The following ESRRG variants were observed in gnomAD, a reference collection of about 807,000 sequenced individuals.
ESRRG encodes estrogen related receptor gamma.
ESRRG carries 13 observed loss-of-function variants against 44.0 expected under a neutral mutation model. The observed-to-expected ratio is 0.30, with a 90% CI of 0.19 to 0.47. The LOEUF is 0.47. ESRRG is among the 20% of genes least tolerant of loss of function. The probability of loss-of-function intolerance (pLI) is 1.00; values close to 1 mark genes in which losing one functional copy is unlikely to be tolerated. For missense variants in ESRRG, 395 were observed against 580.6 expected, an observed-to-expected ratio of 0.68 and a Z score of 3.29; for synonymous variants, 215 against 214.6, an observed-to-expected ratio of 1.00 and a Z score of -0.02.
chr1:217,014,284 A>G (rs952248048), intron 1 of ESRRG, among the ~76,000 whole-genome samples: 2 of 152,098 alleles, frequency 1.3e-5, no homozygotes, highest in Non-Finnish European at 2.9e-5. Flanking sequence ...CTGTCATTGC[A>G]GAGACTAAGG....
At chr1:216,636,554 T>C (rs2065338230) in intron 3 of ESRRG, among the ~76,000 whole-genome samples, 1 of 152,226 alleles carries the variant, frequency 6.6e-6, no homozygotes, top group Non-Finnish European at 1.5e-5. Flanking sequence ...CAAATCACTC[T>C]GGTCTCCCAG....
At chr1:216,820,849 A>C (rs527363377) in intron 2 of ESRRG, among the ~76,000 whole-genome samples, 17 of 152,074 alleles carry the variant, frequency 1.1e-4, no homozygotes, top group Admixed American at 3.3e-4. Flanking sequence ...CCAAACACCA[A>C]CTCCATTCAT....
chr1:217,014,353 A>G (rs939513415), intron 1 of ESRRG, among the ~76,000 whole-genome samples: 3 of 152,138 alleles, frequency 2.0e-5, no homozygotes, highest in Admixed American at 6.6e-5. Context: ...TAAAAATAGT[A>G]TAAGTGCCCC....
chr1:216,579,020 A>T (rs1179977725), intron 3 of ESRRG, among the ~76,000 whole-genome samples: 1 of 152,186 alleles, frequency 6.6e-6, no homozygotes, highest in African/African-American at 2.4e-5. Flanking sequence ...TATATTCATT[A>T]AAATGAACAC....
At chr1:216,902,141 T>C (rs1283349825) in intron 2 of ESRRG, among the ~76,000 whole-genome samples, 1 of 152,198 alleles carries the variant, frequency 6.6e-6, no homozygotes, top group African/African-American at 2.4e-5. Flanking sequence ...TTCTGAATCA[T>C]CTCTTTATTC....
At chr1:216,569,386 G>A (rs2060377275) in intron 3 of ESRRG, among the ~76,000 whole-genome samples, 1 of 152,148 alleles carries the variant, frequency 6.6e-6, no homozygotes, top group Admixed American at 6.6e-5. Context: ...TGGAAAGTGG[G>A]CAAAAGTAGA....
chr1:217,081,218 A>ATTATTTTT (rs1454943896), intron 1 of ESRRG, among the ~76,000 whole-genome samples: 2 of 32,744 alleles, frequency 6.1e-5, no homozygotes, highest in East Asian at 9.3e-4. Context: ...AGATAAAAAT[A>ATTATTTTT]TTCTTTTTTT....
At chr1:217,015,136 C>A (rs1235376022) in intron 1 of ESRRG, among the ~76,000 whole-genome samples, 1 of 152,196 alleles carries the variant, frequency 6.6e-6, no homozygotes, top group Non-Finnish European at 1.5e-5. Context: ...CTATACTACT[C>A]CACATACCCA....
chr1:217,043,319 G>A (rs1241175016), intron 1 of ESRRG, among the ~76,000 whole-genome samples: 1 of 152,064 alleles, frequency 6.6e-6, no homozygotes, highest in East Asian at 1.9e-4. Flanking sequence ...GAAGGAAGCT[G>A]GGTTCAGTTA....
intron 2 of ESRRG, among the ~76,000 whole-genome samples, chr1:216,817,678 A>G (rs925250108): frequency 6.6e-6 from 1 of 152,292 alleles, no homozygotes; most frequent in Non-Finnish European, 1.5e-5. Context: ...GTATATATTC[A>G]TCATCCTGAA....
rs116349856 is a variant in ESRRG, at chr1:216,972,229, T to C, written c.-105-32556A>G. ...ATTCATAAAAAGATGGCAACTGTGA[T>C]AGGTGAGTCAAGTGGTCAGCAATCT... On this transcript the variant is annotated intron_variant, in intron 1 of 7. Coordinates refer to the ESRRG transcript ENST00000359162. Among the ~76,000 whole-genome samples, 971 of 152,304 alleles carry C rather than the reference T, an allele frequency of 6.4e-3. 7 individuals carry two copies. Among genetic ancestry groups the C allele is most frequent in the African/African-American group, 0.021 (869 of 41,566 alleles).
intron 3 of ESRRG, among the ~76,000 whole-genome samples, chr1:216,603,127 A>T (rs1183596170): frequency 6.6e-6 from 1 of 152,222 alleles, no homozygotes; most frequent in African/African-American, 2.4e-5. Context: ...TTGATATTAC[A>T]AAAAATCCCA....
chr1:217,008,338 T>C (rs2078054561), intron 1 of ESRRG, among the ~76,000 whole-genome samples: 1 of 152,216 alleles, frequency 6.6e-6, no homozygotes, highest in African/African-American at 2.4e-5. Context: ...GCTTTTTCCA[T>C]ACATTATTTC....
chr1:216,660,407 T>G (rs1228648103), intron 2 of ESRRG, among the ~76,000 whole-genome samples: 2 of 152,210 alleles, frequency 1.3e-5, no homozygotes, highest in African/African-American at 4.8e-5. Context: ...ATTCTGTGAT[T>G]AGAGATTTAA....
chr1:217,109,269 G>T (rs1485990017), intron 1 of ESRRG, among the ~76,000 whole-genome samples: 2 of 152,086 alleles, frequency 1.3e-5, no homozygotes, highest in Non-Finnish European at 1.5e-5. Context: ...GGGAATAGAA[G>T]CTTCCTTCCA....
At chr1:217,114,802 G>A (rs1421150469) in intron 1 of ESRRG, among the ~76,000 whole-genome samples, 3 of 151,058 alleles carry the variant, frequency 2.0e-5, no homozygotes, top group Middle Eastern at 3.5e-3. Context: ...GATTACAGGC[G>A]CCCGCCACCA....
chr1:216,638,295 T>C (rs1394251708), intron 3 of ESRRG, among the ~76,000 whole-genome samples: 1 of 152,194 alleles, frequency 6.6e-6, no homozygotes, highest in Non-Finnish European at 1.5e-5. Flanking sequence ...ATTTCATAGG[T>C]AAGGCTTAAA....
intron 3 of ESRRG, among the ~76,000 whole-genome samples, chr1:216,571,775 CTA>C (rs2060851833): frequency 6.6e-6 from 1 of 152,056 alleles, no homozygotes; most frequent in Admixed American, 6.6e-5. Flanking sequence ...AAAATAAAGA[CTA>C]ATTAGATAAT....
chr1:217,084,788 T>C (rs1176019440), intron 1 of ESRRG, among the ~76,000 whole-genome samples: 1 of 152,146 alleles, frequency 6.6e-6, no homozygotes, highest in African/African-American at 2.4e-5. Flanking sequence ...TATCTTTGAC[T>C]CCCCAGTATC....
Sources: allele counts gnomAD v4.1 joint callset (sites outside exome capture counted in the v4.1 genomes callset), GRCh38; gene constraint gnomAD v4.1.1; transcripts MANE v1.5; gene names NCBI Gene and HGNC (gene_info 2026-07-23, HGNC 2026-07-21).